Variants in RNF111 observed in about 807,000 individuals in gnomAD.
The protein encoded by RNF111 is E3 ubiquitin-protein ligase Arkadia.
Under a neutral mutation model 95.1 loss-of-function variants are expected in RNF111, and 17 were observed. The ratio of observed to expected loss-of-function variants is 0.18; its 90% confidence interval spans 0.12 to 0.27. The LOEUF (loss-of-function observed/expected upper bound fraction) is 0.27. Ranked by LOEUF, RNF111 falls within the 10% of genes least tolerant of loss-of-function variation. RNF111 has a pLI of 1.00. For missense variants in RNF111, 1,189 were observed against 1,210.4 expected (o/e 0.98, Z 0.26); for synonymous variants, 440 against 414.8 (o/e 1.06, Z -0.74).
At chr15:59,002,186 C>T (rs573493737) in intron 1 of RNF111, among the ~76,000 whole-genome samples, 1 of 152,304 alleles carries the variant, frequency 6.6e-6, no homozygotes, top group East Asian at 1.9e-4. Context: ...TAAGGGGAGA[C>T]TACTGTATAG....
chr15:59,047,144 A>G (rs1010634715), intron 2 of RNF111, among the ~76,000 whole-genome samples: 1 of 152,128 alleles, frequency 6.6e-6, no homozygotes, highest in Non-Finnish European at 1.5e-5. Flanking sequence ...TAATTCAACA[A>G]TGAGACCAAA....
intron 9 of RNF111, among the ~76,000 whole-genome samples, chr15:59,085,245 A>G (rs1450107343): frequency 6.6e-6 from 1 of 152,212 alleles, no homozygotes; most frequent in Non-Finnish European, 1.5e-5. Context: ...TGCTATTCTA[A>G]TCGTCCTTAA....
chr15:59,031,691 C>T lies in RNF111; in HGVS notation c.869C>T (p.Ala290Val), dbSNP rs773997225. The T allele has an allele frequency of 6.2e-7, 1 of 1,613,080 alleles. No individual in the cohort carries two copies. Among genetic ancestry groups the T allele is most frequent in the African/African-American group, 1.3e-5 (1 of 75,014 alleles). Residue 290 changes from alanine to valine, a missense_variant, in exon 2 of 14, where the codon GCT (alanine) becomes GTT (valine). This residue lies in a region of RNF111 where 1,024 missense variants were observed against 925.9 expected (regional missense o/e 1.11). Transcript: ENST00000348370. ...AGTGAAAACCACCAAAACAATCCAG[C>T]TGTTCCCTCAGGTAAAAATGTTTAA... Reference protein sequence around the residue: ...SASENHQNNPAVPSGSIDEDV... With the variant: ...SASENHQNNPVVPSGSIDEDV...
At chr15:59,052,518 A>G in intron 3 of RNF111, 87 bp downstream of exon 3, 1 of 929,396 alleles carries the variant, frequency 1.1e-6, no homozygotes, top group Non-Finnish European at 1.4e-6. Flanking sequence ...CATTCTTTTT[A>G]TTTATTTATT....
intron 4 of RNF111, among the ~76,000 whole-genome samples, chr15:59,057,773 C>T (rs556918853): frequency 5.1e-4 from 77 of 152,304 alleles, no homozygotes; most frequent in Middle Eastern, 3.4e-3. Context: ...AGTGATTACT[C>T]TCTGTAAGGC....
intron 2 of RNF111, among the ~76,000 whole-genome samples, chr15:59,035,820 A>G (rs1454087978): frequency 6.6e-6 from 1 of 152,172 alleles, no homozygotes; most frequent in East Asian, 1.9e-4. Flanking sequence ...TTTATTGTCC[A>G]TATCACTGTC....
In RNF111 at chr15:59,096,442, A is replaced by T. The variant is rs74017355; in HGVS notation, c.*1542A>T. The T allele has an allele frequency of 1.4e-3, 249 of 183,838 alleles. No individual in the cohort carries two copies. The highest frequency in any genetic ancestry group is 5.5e-3 in the African/African-American group (235 of 42,978). The allele number at this position is 183,838 out of a possible 1,614,324, so 11.4% of individuals were successfully genotyped here. A position where few individuals can be genotyped will look rare whatever the true frequency, so the allele number is the denominator to read the frequency against. ...TATATTTCTATTGTCTTTGTGTTTC[A>T]TAATTAGTTTTTATAAAAACAGTTT... is the stretch of plus-strand genomic sequence containing the variant. On this transcript the variant is annotated 3_prime_UTR_variant, in exon 14 of 14. Coordinates refer to ENST00000348370, the MANE Select transcript of RNF111 (RefSeq NM_017610.8).
Position 59,084,151 on chromosome 15 carries a change from C to G in RNF111, c.2320C>G (p.Pro774Ala). Residue 774 changes from proline (P) to alanine (A), a missense_variant, in exon 9 of 14, where the codon CCC becomes GCC. Coordinates refer to ENST00000348370, the MANE Select transcript of RNF111 (RefSeq NM_017610.8). ...HPTRAHERPP[P>A]HPHRMHPNYG... The stretch of plus-strand genomic sequence containing the variant: ...CAGGCGGGCACATGAACGCCCCCCA[C>G]CCCATCCACATAGGATGCACCCAAA... 6.2e-7 allele frequency: 1 copy of G among 1,608,600 alleles called. No homozygotes were observed. The highest frequency in any genetic ancestry group is 8.5e-7 in the Non-Finnish European group (1 of 1,177,496).
chr15:59,089,525 T>C (rs1208898038), intron 10 of RNF111, 142 bp from the exon 11 acceptor site: 3 of 644,428 alleles, frequency 4.7e-6, no homozygotes, highest in Non-Finnish European at 8.3e-6. Flanking sequence ...GAATGCTTAG[T>C]TGGAGTTATG....
At position 59,012,191 on chromosome 15, in the gene RNF111, G is replaced by C. The variant is rs1253715908; in HGVS notation, c.-19-18613G>C. The stretch of plus-strand genomic sequence containing the variant: ...GCATCTCCACACCCGGCTGATTTTT[G>C]TATTTTTAGTAGAGACACAGTTTCA... On this transcript the variant is annotated intron_variant, in intron 1 of 13. Transcript: ENST00000348370. Among the ~76,000 whole-genome samples the C allele has an allele frequency of 2.3e-4, 35 of 151,534 alleles. 1 individual carries two copies.
At chr15:59,044,633 A>C (rs1027529389) in intron 2 of RNF111, among the ~76,000 whole-genome samples, 3 of 152,178 alleles carry the variant, frequency 2.0e-5, no homozygotes, top group Non-Finnish European at 4.4e-5. Context: ...AAAAAAAACA[A>C]TTCGAAGAAA....
intron 1 of RNF111, among the ~76,000 whole-genome samples, chr15:59,010,432 C>T (rs928980546): frequency 3.3e-5 from 5 of 151,966 alleles, no homozygotes; most frequent in Admixed American, 2.0e-4. Flanking sequence ...GATGGAGTCT[C>T]ACTCTGTCGC....
intron 1 of RNF111, among the ~76,000 whole-genome samples, chr15:59,020,580 T>G (rs2040291239): frequency 1.3e-5 from 2 of 152,242 alleles, no homozygotes; most frequent in Admixed American, 6.5e-5. Flanking sequence ...ACAGGAGATG[T>G]AAGTTGATGT....
chr15:59,039,230 C>T (rs1168763638), intron 2 of RNF111, among the ~76,000 whole-genome samples: 1 of 152,178 alleles, frequency 6.6e-6, no homozygotes, highest in Non-Finnish European at 1.5e-5. Flanking sequence ...TCCCAAAGTG[C>T]TGGGATTACA....
chr15:59,063,145 A>G (rs1352331478), intron 5 of RNF111, among the ~76,000 whole-genome samples: 1 of 152,184 alleles, frequency 6.6e-6, no homozygotes, highest in Non-Finnish European at 1.5e-5. Flanking sequence ...TAGCTACATG[A>G]TTGCATGCTG....
rs576846004 is a variant in RNF111, at chr15:59,029,023, G to A, written c.-19-1781G>A. ...TCGAACTCCTGGCCTCCAGTGATCCGCCCGCCTTGGCCTCCCAAAGTGGTG... is the reference window on the plus strand; with the variant it reads ...TCGAACTCCTGGCCTCCAGTGATCCACCCGCCTTGGCCTCCCAAAGTGGTG... On this transcript the variant is annotated intron_variant, in intron 1 of 13. Coordinates refer to ENST00000348370, the MANE Select transcript of RNF111 (RefSeq NM_017610.8). Among the ~76,000 whole-genome samples, 31 of 152,100 alleles carry A rather than the reference G, an allele frequency of 2.0e-4. No homozygotes were observed. In the South Asian group the frequency reaches 5.4e-3, roughly 26 times the overall value.
chr15:59,024,112 C>G (rs1290452185), intron 1 of RNF111, among the ~76,000 whole-genome samples: 1 of 152,016 alleles, frequency 6.6e-6, no homozygotes, highest in Non-Finnish European at 1.5e-5. Context: ...CTACAGAATA[C>G]CTGAAGAAGG....
intron 5 of RNF111, among the ~76,000 whole-genome samples, chr15:59,064,960 C>CT (rs2042595008): frequency 6.6e-6 from 1 of 152,030 alleles, no homozygotes; most frequent in Admixed American, 6.6e-5. Context: ...CCATAATTCC[C>CT]TTTATTATTT....
chr15:59,008,983 A>G (rs2039668495), intron 1 of RNF111, among the ~76,000 whole-genome samples: 1 of 151,998 alleles, frequency 6.6e-6, no homozygotes, highest in African/African-American at 2.4e-5. Context: ...TTTTTGAGAC[A>G]GAGTCCCATT....
Sources: allele counts gnomAD v4.1 joint callset (sites outside exome capture counted in the v4.1 genomes callset), GRCh38; gene constraint gnomAD v4.1.1; regional missense constraint gnomAD v4.1.1; transcripts MANE v1.5; gene names NCBI Gene and HGNC (gene_info 2026-07-23, HGNC 2026-07-21).